The following BCAS3 variants were observed in gnomAD, a reference collection of about 807,000 sequenced individuals.
BCAS3 encodes BCAS4/BCAS3 fusion.
A neutral mutation model predicts 116.1 loss-of-function variants in BCAS3; 53 were observed. That is an observed-to-expected ratio of 0.46 (90% CI 0.37 to 0.57). BCAS3 has a LOEUF of 0.57. BCAS3 is among the 20% of genes least tolerant of loss of function. The pLI, the probability that BCAS3 is intolerant of heterozygous loss-of-function variation, is 0.00. For synonymous variants in BCAS3, 391 were observed against 408.2 expected (o/e 0.96, Z 0.51); for missense variants, 917 against 1,165.4 (o/e 0.79, Z 3.10).
chr17:60,949,502 C>T (rs1302397283), intron 14 of BCAS3, among the ~76,000 whole-genome samples: 1 of 152,168 alleles, frequency 6.6e-6, no homozygotes, highest in Non-Finnish European at 1.5e-5. Flanking sequence ...TCTCAACCTC[C>T]TGAGCTCAAG....
At chr17:61,179,810 G>T (rs986105924) in intron 22 of BCAS3, among the ~76,000 whole-genome samples, 6 of 151,836 alleles carry the variant, frequency 4.0e-5, no homozygotes, top group African/African-American at 1.2e-4. Context: ...CCAGAGAGAG[G>T]AGGGGATGTC....
chr17:61,079,882 ATTTTT>A (rs745702399), intron 21 of BCAS3, among the ~76,000 whole-genome samples: 8 of 65,882 alleles, frequency 1.2e-4, no homozygotes, highest in African/African-American at 4.4e-4. Flanking sequence ...AGGCATGAGT[ATTTTT>A]TTTTTTTTTT....
intron 22 of BCAS3, among the ~76,000 whole-genome samples, chr17:61,115,853 A>T (rs2075398870): frequency 6.6e-6 from 1 of 151,606 alleles, no homozygotes; most frequent in African/African-American, 2.4e-5. Context: ...AATGTCCAAC[A>T]ATGATAGACC....
In BCAS3 at chr17:61,378,443, G is replaced by A. The variant is rs1387910444; in HGVS notation, c.2593+9949G>A. On this transcript the variant is annotated intron_variant, in intron 23 of 23. Transcript: ENST00000407086. This position sits in a 1 kb window ranked among gnomAD's most constrained non-coding sequence, Gnocchi z 5.8. The stretch of plus-strand genomic sequence containing the variant: ...GGATACTTGGCCCTGGGCAAAGAGT[G>A]TATGCTGCCTTTTCCATTAACTTGC... The A allele has an allele frequency of 6.6e-6, 1 of 152,252 alleles. No homozygotes were observed. Among genetic ancestry groups the A allele is most frequent in the African/African-American group, 2.4e-5 (1 of 41,438 alleles). The allele number at this position is 152,252 out of a possible 1,614,324, so 9.4% of individuals were successfully genotyped here.
intron 22 of BCAS3, among the ~76,000 whole-genome samples, chr17:61,317,853 C>T (rs2054873933): frequency 6.6e-6 from 1 of 152,228 alleles, no homozygotes; most frequent in Non-Finnish European, 1.5e-5. Flanking sequence ...AGGGCCCTGC[C>T]ATGGGAGGCC....
intron 14 of BCAS3, among the ~76,000 whole-genome samples, chr17:60,972,979 C>T (rs2062057909): frequency 1.3e-5 from 2 of 152,072 alleles, no homozygotes; most frequent in Non-Finnish European, 2.9e-5. Context: ...GAGCATTGCT[C>T]TTGGGTTTTC....
At chr17:60,973,501 T>A (rs1314469539) in intron 14 of BCAS3, among the ~76,000 whole-genome samples, 1 of 151,758 alleles carries the variant, frequency 6.6e-6, no homozygotes, top group African/African-American at 2.4e-5. Context: ...AGTTTTCTTA[T>A]CTCAGAAACA....
intron 15 of BCAS3, among the ~76,000 whole-genome samples, chr17:60,992,932 G>A (rs945097421): frequency 3.3e-5 from 5 of 152,172 alleles, no homozygotes; most frequent in Non-Finnish European, 7.4e-5. Context: ...TTGGCAAAGA[G>A]ATTCACTGTA....
chr17:60,935,542 A>G (rs2059873669), intron 13 of BCAS3, among the ~76,000 whole-genome samples: 1 of 152,106 alleles, frequency 6.6e-6, no homozygotes, highest in Non-Finnish European at 1.5e-5. Context: ...GTTCTGTAAC[A>G]TAGTCACAGA....
intron 6 of BCAS3, among the ~76,000 whole-genome samples, chr17:60,783,497 G>A (rs905363840): frequency 2.0e-5 from 3 of 152,160 alleles, no homozygotes; most frequent in Admixed American, 1.3e-4. Flanking sequence ...GAGCCACTGC[G>A]CCTGACAATC....
rs1337168165 is a variant in BCAS3, at chr17:60,855,013, G to A, written c.477-13563G>A. Among the ~76,000 whole-genome samples, 12 of 136,414 alleles carry A rather than the reference G, an allele frequency of 8.8e-5. No individual in the cohort carries two copies. The South Asian group carries it at 9.0e-4, about 10-fold the overall frequency. 89.5% of individuals were successfully genotyped at this position (136,414 alleles called of 152,430 possible). A position where few individuals can be genotyped will look rare whatever the true frequency, so the allele number is the denominator to read the frequency against. ...TGCCCAGGCTGGAGTGCAGTGGTGCGATCTCAGCTCACTGCAACCTCTGCC... is the reference window on the plus strand; with the variant it reads ...TGCCCAGGCTGGAGTGCAGTGGTGCAATCTCAGCTCACTGCAACCTCTGCC... On this transcript the variant is annotated intron_variant, in intron 7 of 23. Transcript: ENST00000407086.
intron 22 of BCAS3, among the ~76,000 whole-genome samples, chr17:61,310,946 T>C (rs2054260012): frequency 6.6e-6 from 1 of 152,176 alleles, no homozygotes; most frequent in Non-Finnish European, 1.5e-5. Context: ...TTCACTTCCA[T>C]TTTAAATCCC....
At chr17:60,804,162 G>T (rs979636760) in intron 6 of BCAS3, among the ~76,000 whole-genome samples, 1 of 151,120 alleles carries the variant, frequency 6.6e-6, no homozygotes, top group African/African-American at 2.4e-5. Flanking sequence ...CATATATGCA[G>T]GTCTTTTTTT....
chr17:61,331,404 G>C lies in BCAS3; in HGVS notation c.2426-36923G>C, dbSNP rs190888982. Reference sequence around the variant, plus strand: ...AAAATTTCTTTGGGAGTGGGGAGAGGGTTGGCAAGCAGCCAGATGCCCCTG... The same window carrying C: ...AAAATTTCTTTGGGAGTGGGGAGAGCGTTGGCAAGCAGCCAGATGCCCCTG... On this transcript the variant is annotated intron_variant, in intron 22 of 23. Transcript: ENST00000407086. Among the ~76,000 whole-genome samples the C allele has an allele frequency of 1.2e-4, 18 of 152,296 alleles. No homozygotes were observed. In the East Asian group the frequency reaches 3.5e-3, roughly 29 times the overall value.
chr17:61,110,391 G>A (rs965588343), intron 22 of BCAS3, among the ~76,000 whole-genome samples: 4 of 152,110 alleles, frequency 2.6e-5, no homozygotes, highest in South Asian at 2.1e-4. Context: ...TGCGCGCACC[G>A]TGCGCAAGCC....
Position 61,020,925 on chromosome 17 carries a change from T to C in BCAS3, c.1637+5024T>C, listed in dbSNP as rs2065833211. On this transcript the variant is annotated intron_variant, in intron 16 of 23. Transcript: ENST00000407086. This position sits in a 1 kb window ranked among gnomAD's most constrained non-coding sequence, Gnocchi z 4.5. ...ATTGAAAATGAAGTTACTTCCTTGC[T>C]CTTACTAGGTGGAGCACTTTTTGTG... Among the ~76,000 whole-genome samples, 1 of 152,238 alleles carries C rather than the reference T, an allele frequency of 6.6e-6. No homozygotes were observed. The highest frequency in any genetic ancestry group is 2.1e-4 in the South Asian group (1 of 4,830).
At chr17:60,705,471 G>T (rs1322208176) in intron 4 of BCAS3, among the ~76,000 whole-genome samples, 1 of 147,390 alleles carries the variant, frequency 6.8e-6, no homozygotes, top group Admixed American at 6.9e-5. Context: ...CTGAGATCAT[G>T]CCACTGTATT....
intron 5 of BCAS3, among the ~76,000 whole-genome samples, chr17:60,718,990 A>G (rs2038948456): frequency 6.6e-6 from 1 of 152,168 alleles, no homozygotes; most frequent in African/African-American, 2.4e-5. Flanking sequence ...TGATCCCAGG[A>G]AGCGGAGTTT....
chr17:60,810,458 CA>C, intron 7 of BCAS3: 1 of 641,408 alleles, frequency 1.6e-6, no homozygotes. Context: ...CTGGACAGAG[CA>C]AGGAGCGTGG....
Sources: gnomAD v4.1 joint callset for allele counts (sites outside exome capture counted in the v4.1 genomes callset) on GRCh38, gnomAD v4.1.1 for gene constraint, Gnocchi (gnomAD v3.1) non-coding constraint, MANE v1.5 for transcripts, NCBI Gene and HGNC (gene_info 2026-07-23, HGNC 2026-07-21) for gene names.